The following POLQ variants were observed in gnomAD, a reference collection of about 807,000 sequenced individuals.
The protein encoded by POLQ is epididymis secretory sperm binding protein.
In POLQ, 233 loss-of-function variants were observed where a neutral mutation model predicts 259.2. The observed-to-expected ratio is 0.90, with a 90% CI of 0.81 to 1.00. The LOEUF (loss-of-function observed/expected upper bound fraction) is 1.00, where lower values mean the gene tolerates loss of function less well. POLQ is among the 50% of genes least tolerant of loss of function. The pLI is 0.00. For missense variants in POLQ, 2,871 were observed against 3,051.6 expected (o/e 0.94, Z 1.39); for synonymous variants, 1,025 against 1,048.8 (o/e 0.98, Z 0.44).
At position 121,431,489 on chromosome 3, in the gene POLQ, G is replaced by A. The variant is rs2047491607; in HGVS notation, c.*815C>T. On this transcript the variant is annotated 3_prime_UTR_variant, in exon 30 of 30. Transcript: ENST00000264233. ...AAGATTAGCTCCATCCCTCTGATTGGGATCACAAAGTACAATCTTTTCAGC... is the reference window on the plus strand; with the variant it reads ...AAGATTAGCTCCATCCCTCTGATTGAGATCACAAAGTACAATCTTTTCAGC... The A allele has an allele frequency of 1.3e-5, 2 of 152,034 alleles. No homozygotes were observed. The highest frequency in any genetic ancestry group is 1.3e-4 in the Admixed American group (2 of 15,252). The allele number at this position is 152,034 out of a possible 1,614,324, so 9.4% of individuals were successfully genotyped here.
intron 8 of POLQ, among the ~76,000 whole-genome samples, chr3:121,521,255 A>G (rs76119778): frequency 0.014 from 2,202 of 152,276 alleles, 58 homozygotes; most frequent in African/African-American, 0.05. Flanking sequence ...TGTATACACT[A>G]CCGGCACTAT....
intron 4 of POLQ, among the ~76,000 whole-genome samples, chr3:121,538,421 C>T (rs1181884387): frequency 6.6e-6 from 1 of 151,850 alleles, no homozygotes; most frequent in Non-Finnish European, 1.5e-5. Context: ...GTATTCTCCC[C>T]ACCCCAAATT....
chr3:121,453,956 A>C (rs2047705512), intron 25 of POLQ, among the ~76,000 whole-genome samples: 1 of 152,224 alleles, frequency 6.6e-6, no homozygotes, highest in Non-Finnish European at 1.5e-5. Flanking sequence ...GAAATGAAGG[A>C]AAAAATGTTA....
intron 12 of POLQ, among the ~76,000 whole-genome samples, chr3:121,504,843 T>C (rs1180313813): frequency 6.6e-6 from 1 of 152,060 alleles, no homozygotes; most frequent in Non-Finnish European, 1.5e-5. Context: ...AGATGAGACT[T>C]TGGACTTCTG....
intron 12 of POLQ, among the ~76,000 whole-genome samples, chr3:121,503,863 A>T (rs906407439): frequency 1.3e-5 from 2 of 152,020 alleles, no homozygotes; most frequent in Middle Eastern, 3.2e-3. Context: ...ACAGAAAAAA[A>T]TTTTTTTGAG....
intron 22 of POLQ, among the ~76,000 whole-genome samples, 175 bp downstream of exon 22, chr3:121,471,815 C>T (rs898508507): frequency 2.0e-5 from 3 of 152,274 alleles, no homozygotes; most frequent in Admixed American, 6.5e-5. Flanking sequence ...ATACTCATCT[C>T]TGTACCCAGG....
At chr3:121,454,996 A>C (rs980889459) in intron 25 of POLQ, among the ~76,000 whole-genome samples, 4 of 152,224 alleles carry the variant, frequency 2.6e-5, no homozygotes, top group Non-Finnish European at 4.4e-5. Context: ...AGCACTCCTC[A>C]GCAAATGTAA....
intron 25 of POLQ, among the ~76,000 whole-genome samples, chr3:121,451,320 A>G (rs1576400863): frequency 6.6e-6 from 1 of 152,070 alleles, no homozygotes; most frequent in African/African-American, 2.4e-5. Context: ...GCTTTGTTCC[A>G]TTGCTGGCGA....
chr3:121,513,055 T>C (rs146458768), intron 9 of POLQ, among the ~76,000 whole-genome samples: 2,437 of 152,320 alleles, frequency 0.016, 35 homozygotes, highest in Non-Finnish European at 0.028. Context: ...TCATAATTTT[T>C]CTTCAAAAAT....
chr3:121,516,353 T>C (rs572470951), intron 9 of POLQ, among the ~76,000 whole-genome samples: 2 of 152,246 alleles, frequency 1.3e-5, no homozygotes, highest in South Asian at 4.1e-4. Flanking sequence ...AACACACACA[T>C]ATAAATTACC....
intron 20 of POLQ, among the ~76,000 whole-genome samples, chr3:121,475,215 C>G (rs550113009): frequency 1.3e-5 from 2 of 152,302 alleles, no homozygotes; most frequent in African/African-American, 4.8e-5. Context: ...TCCCCGCTCC[C>G]TACTCCCCCA....
At chr3:121,526,503 AT>A (rs139389622) in intron 7 of POLQ, among the ~76,000 whole-genome samples, 3 of 151,344 alleles carry the variant, frequency 2.0e-5, no homozygotes, top group Admixed American at 6.6e-5. Flanking sequence ...CTTTGTGGCA[AT>A]TTTTTTTTCT....
At chr3:121,461,445 G>T (rs1314106224) in intron 24 of POLQ, among the ~76,000 whole-genome samples, 1 of 152,120 alleles carries the variant, frequency 6.6e-6, no homozygotes, top group African/African-American at 2.4e-5. Context: ...GAGGTCAGGA[G>T]ATCGAGACCA....
At chr3:121,493,082 G>T (rs2108800412) in intron 15 of POLQ, among the ~76,000 whole-genome samples, 1 of 152,056 alleles carries the variant, frequency 6.6e-6, no homozygotes, top group South Asian at 2.1e-4. Flanking sequence ...CAGGGGGATT[G>T]GCTGAGGTCA....
intron 17 of POLQ, 74 bp from the exon 18 acceptor site, chr3:121,483,656 CTT>C (rs2047988667): frequency 8.6e-7 from 1 of 1,156,302 alleles, no homozygotes; most frequent in African/African-American, 1.6e-5. Flanking sequence ...AAGCAGCAAT[CTT>C]TAGTAGAAAG....
chr3:121,448,957 A>T (rs1339049725), intron 26 of POLQ, among the ~76,000 whole-genome samples: 1 of 152,190 alleles, frequency 6.6e-6, no homozygotes. Flanking sequence ...AATTCCTCGT[A>T]TATTTAATTA....
chr3:121,538,777 T>G (rs1187553397), intron 4 of POLQ, among the ~76,000 whole-genome samples: 2 of 152,088 alleles, frequency 1.3e-5, no homozygotes, highest in Non-Finnish European at 2.9e-5. Flanking sequence ...GCATAGCCTA[T>G]GTCTGATTCC....
chr3:121,501,444 G>C (rs979122379), intron 12 of POLQ, among the ~76,000 whole-genome samples: 1 of 149,362 alleles, frequency 6.7e-6, no homozygotes, highest in South Asian at 2.1e-4. Context: ...CGGATCACGA[G>C]GTCAGGAGAT....
chr3:121,505,711 G>A (rs879795455), intron 12 of POLQ, among the ~76,000 whole-genome samples: 1 of 151,876 alleles, frequency 6.6e-6, no homozygotes, highest in Admixed American at 6.6e-5. Flanking sequence ...ATGAAGCAGA[G>A]CTCAAAATAG....
Sources: allele counts gnomAD v4.1 joint callset (sites outside exome capture counted in the v4.1 genomes callset), GRCh38; gene constraint gnomAD v4.1.1; transcripts MANE v1.5; gene names NCBI Gene and HGNC (gene_info 2026-07-23, HGNC 2026-07-21).